ROBO2: variants seen among roughly 807,000 people sequenced by gnomAD.
The protein encoded by ROBO2 is roundabout guidance receptor 2.
In ROBO2, 53 loss-of-function variants were observed where a neutral mutation model predicts 160.8. The ratio of observed to expected loss-of-function variants is 0.33; its 90% CI spans 0.26 to 0.41. ROBO2 has a LOEUF of 0.41. ROBO2 is among the 10% of genes least tolerant of loss of function. ROBO2 has a pLI of 1.00. For missense variants in ROBO2, 1,577 were observed against 1,722.4 expected (o/e 0.92, Z 1.49); for synonymous variants, 664 against 611.7 (o/e 1.09, Z -1.26).
intron 2 of ROBO2, among the ~76,000 whole-genome samples, chr3:77,204,233 C>T (rs912579806): frequency 6.6e-6 from 1 of 152,158 alleles, no homozygotes; most frequent in African/African-American, 2.4e-5. Context: ...TACCTCTGAA[C>T]CTGCTTCCTC....
chr3:76,322,194 ATATATATAT>A (rs1485845285), intron 2 of ROBO2, among the ~76,000 whole-genome samples: 10 of 102,828 alleles, frequency 9.7e-5, no homozygotes, highest in African/African-American at 3.4e-4. Context: ...ATATATATAT[ATATATATAT>A]AATATACACA....
chr3:76,332,661 T>G (rs751928404), intron 2 of ROBO2, among the ~76,000 whole-genome samples: 1 of 152,328 alleles, frequency 6.6e-6, no homozygotes, highest in East Asian at 1.9e-4. Flanking sequence ...AATTTGAACT[T>G]CAAATGGAAA....
chr3:76,591,248 C>T (rs929503955), intron 2 of ROBO2, among the ~76,000 whole-genome samples: 3 of 152,046 alleles, frequency 2.0e-5, no homozygotes, highest in African/African-American at 7.2e-5. Flanking sequence ...AGAAAACATA[C>T]TTACTATTCA....
chr3:76,561,909 C>T (rs1578163277), intron 2 of ROBO2, among the ~76,000 whole-genome samples: 1 of 152,134 alleles, frequency 6.6e-6, no homozygotes, highest in East Asian at 1.9e-4. Flanking sequence ...TCTGCCAGAC[C>T]TTCTTCAAAA....
At chr3:77,379,847 A>G (rs562706596) in intron 2 of ROBO2, among the ~76,000 whole-genome samples, 1 of 152,060 alleles carries the variant, frequency 6.6e-6, no homozygotes, top group Non-Finnish European at 1.5e-5. Context: ...AATGACAGCC[A>G]GCTCAGACTC....
chr3:77,034,006 T>C (rs2149570523), intron 2 of ROBO2, among the ~76,000 whole-genome samples: 1 of 152,004 alleles, frequency 6.6e-6, no homozygotes, highest in South Asian at 2.1e-4. Flanking sequence ...CAATATTAAG[T>C]ATCTGGTCCT....
At chr3:77,448,461 G>A (rs575056789) in intron 2 of ROBO2, among the ~76,000 whole-genome samples, 37 of 152,076 alleles carry the variant, frequency 2.4e-4, no homozygotes, top group Non-Finnish European at 1.0e-4. Context: ...CGGCAAAGTC[G>A]GCCCTAATCT....
At chr3:76,759,242 T>A (rs936101857) in intron 2 of ROBO2, among the ~76,000 whole-genome samples, 1 of 151,784 alleles carries the variant, frequency 6.6e-6, no homozygotes, top group African/African-American at 2.4e-5. Flanking sequence ...CATCTTTAAT[T>A]TCTAGTCTTA....
chr3:76,880,696 A>G (rs1056906960), intron 2 of ROBO2, among the ~76,000 whole-genome samples: 4 of 152,106 alleles, frequency 2.6e-5, no homozygotes, highest in Non-Finnish European at 4.4e-5. Context: ...ATGATCCTTA[A>G]CAGCCCCAAA....
At chr3:76,031,826 T>C (rs1576559023) in intron 2 of ROBO2, among the ~76,000 whole-genome samples, 1 of 151,754 alleles carries the variant, frequency 6.6e-6, no homozygotes, top group African/African-American at 2.4e-5. Context: ...AAAATTCTCT[T>C]TTTTTTTATT....
intron 2 of ROBO2, among the ~76,000 whole-genome samples, chr3:77,204,987 C>G (rs980245742): frequency 2.0e-5 from 3 of 152,170 alleles, no homozygotes; most frequent in Non-Finnish European, 4.4e-5. Flanking sequence ...GAGCACAGAC[C>G]GGCAGGTGCA....
intron 2 of ROBO2, among the ~76,000 whole-genome samples, chr3:76,830,283 T>C (rs1460158496): frequency 1.3e-5 from 2 of 152,176 alleles, no homozygotes; most frequent in African/African-American, 4.8e-5. Flanking sequence ...ATTCCACAAC[T>C]GGCTAGCCTC....
intron 2 of ROBO2, among the ~76,000 whole-genome samples, chr3:76,603,071 C>A (rs563526071): frequency 4.9e-4 from 75 of 151,970 alleles, no homozygotes; most frequent in African/African-American, 1.7e-3. Context: ...GTGGCTCACG[C>A]CTGTAATCTC....
intron 2 of ROBO2, among the ~76,000 whole-genome samples, chr3:76,272,642 G>C (rs573525180): frequency 1.1e-5 from 1 of 91,248 alleles, no homozygotes; most frequent in Non-Finnish European, 2.8e-5. Flanking sequence ...CAGCCTGGGC[G>C]AAAGAGCGAG....
intron 2 of ROBO2, among the ~76,000 whole-genome samples, chr3:77,425,173 G>T (rs1401381450): frequency 6.8e-6 from 1 of 147,734 alleles, no homozygotes; most frequent in Non-Finnish European, 1.5e-5. Flanking sequence ...CAGTGTGCTA[G>T]TTGTCAGGGA....
chr3:76,815,007 T>A (rs892182893), intron 2 of ROBO2, among the ~76,000 whole-genome samples: 1 of 152,024 alleles, frequency 6.6e-6, no homozygotes, highest in Non-Finnish European at 1.5e-5. Context: ...TCAGTTATGA[T>A]GTTGAAACAT....
At chr3:77,179,594 A>G (rs954617863) in intron 2 of ROBO2, among the ~76,000 whole-genome samples, 3 of 152,122 alleles carry the variant, frequency 2.0e-5, no homozygotes, top group African/African-American at 4.8e-5. Context: ...CATCATCAAG[A>G]TTTAAAAAAT....
At chr3:75,922,745 T>C (rs1257046255) in intron 1 of ROBO2, among the ~76,000 whole-genome samples, 1 of 152,154 alleles carries the variant, frequency 6.6e-6, no homozygotes, top group Non-Finnish European at 1.5e-5. Context: ...AACCCTTATT[T>C]TCTCTGAAAG....
intron 2 of ROBO2, among the ~76,000 whole-genome samples, chr3:76,757,028 C>G (rs556673698): frequency 5.2e-4 from 79 of 151,868 alleles, no homozygotes; most frequent in African/African-American, 1.8e-3. Context: ...AGCTGCTAAA[C>G]TTTTGGTTGC....
Sources: allele counts gnomAD v4.1 joint callset (sites outside exome capture counted in the v4.1 genomes callset), GRCh38; gene constraint gnomAD v4.1.1; transcripts MANE v1.5; gene names NCBI Gene and HGNC (gene_info 2026-07-23, HGNC 2026-07-21).